The following TBXAS1 variants were observed in gnomAD, a reference collection of about 807,000 sequenced individuals.
The protein encoded by TBXAS1 is thromboxane-A synthase.
In TBXAS1, 48 loss-of-function variants were observed where a neutral mutation model predicts 60.7. The observed-to-expected ratio is 0.79, with a 90% confidence interval of 0.63 to 1.01. The LOEUF (loss-of-function observed/expected upper bound fraction) is 1.01. TBXAS1 is among the 50% of genes least tolerant of loss of function. TBXAS1 has a pLI of 0.00. For synonymous variants in TBXAS1, 287 were observed against 269.7 expected, an observed-to-expected ratio of 1.06 and a Z score of -0.63; for missense variants, 685 against 686.3, an observed-to-expected ratio of 1.00 and a Z score of 0.02.
intron 4 of TBXAS1, chr7:139,913,276 A>C (rs1805684059): frequency 1.6e-6 from 1 of 624,564 alleles, no homozygotes; most frequent in African/African-American, 1.8e-5. Context: ...TCTGTCAAGA[A>C]ACTGATTCTG....
At chr7:140,012,078 G>C (rs952436182) in intron 10 of TBXAS1, among the ~76,000 whole-genome samples, 4 of 152,218 alleles carry the variant, frequency 2.6e-5, no homozygotes, top group African/African-American at 9.6e-5. Context: ...GCAGGAGTGG[G>C]AGCCCGTGTA....
At chr7:139,878,155 G>C (rs1007172346) in intron 3 of TBXAS1, among the ~76,000 whole-genome samples, 1 of 151,044 alleles carries the variant, frequency 6.6e-6, no homozygotes, top group Non-Finnish European at 1.5e-5. Flanking sequence ...GAGAATGACA[G>C]AGAAAAAGAG....
At chr7:140,010,433 G>A (rs900322013) in intron 10 of TBXAS1, among the ~76,000 whole-genome samples, 4 of 152,162 alleles carry the variant, frequency 2.6e-5, no homozygotes, top group Non-Finnish European at 5.9e-5. Flanking sequence ...GATGCTGTGC[G>A]GTGCAGTTCT....
chr7:139,801,662 A>G (rs1288402252), intron 4 of TBXAS1, among the ~76,000 whole-genome samples: 1 of 152,020 alleles, frequency 6.6e-6, no homozygotes, highest in African/African-American at 2.4e-5. Flanking sequence ...TTTGCATTAC[A>G]GAATACAGTC....
At chr7:139,817,626 G>C (rs1422675790) in intron 4 of TBXAS1, among the ~76,000 whole-genome samples, 1 of 152,194 alleles carries the variant, frequency 6.6e-6, no homozygotes, top group Non-Finnish European at 1.5e-5. Context: ...GGGTGGGAAT[G>C]GGTACACTCC....
intron 4 of TBXAS1, among the ~76,000 whole-genome samples, chr7:139,812,086 A>G (rs1585541655): frequency 6.6e-6 from 1 of 152,332 alleles, no homozygotes; most frequent in East Asian, 1.9e-4. Flanking sequence ...GTGGTAGTTC[A>G]GTATCTTATG....
chr7:139,801,470 C>CTTT (rs56097281), intron 4 of TBXAS1, among the ~76,000 whole-genome samples: 13 of 150,192 alleles, frequency 8.7e-5, no homozygotes, highest in Non-Finnish European at 1.5e-4. Context: ...TCTCTTTGTC[C>CTTT]TTTTTTTTTC....
At chr7:139,844,601 G>A (rs1202329338) in intron 1 of TBXAS1, among the ~76,000 whole-genome samples, 2 of 152,136 alleles carry the variant, frequency 1.3e-5, no homozygotes, top group African/African-American at 4.8e-5. Context: ...TTTACATTAG[G>A]CTCTTTGAAA....
intron 4 of TBXAS1, among the ~76,000 whole-genome samples, chr7:139,819,128 C>A (rs1278477943): frequency 6.6e-6 from 1 of 152,236 alleles, no homozygotes; most frequent in African/African-American, 2.4e-5. Flanking sequence ...AACCTCTTTC[C>A]TTTTCCTCCT....
At chr7:139,779,553 T>A (rs1796909263) in intron 1 of TBXAS1, among the ~76,000 whole-genome samples, 1 of 152,196 alleles carries the variant, frequency 6.6e-6, no homozygotes, top group Non-Finnish European at 1.5e-5. Context: ...TATTGAAGCT[T>A]AGGAATAGGT....
chr7:139,787,878 A>T (rs552533678), intron 4 of TBXAS1, among the ~76,000 whole-genome samples: 4 of 152,200 alleles, frequency 2.6e-5, no homozygotes, highest in African/African-American at 9.7e-5. Flanking sequence ...AACACATAAG[A>T]CTACAAAAGA....
In TBXAS1 at chr7:140,003,757, G is replaced by A. The variant is rs1227163046; in HGVS notation, c.1135-3334G>A. The stretch of plus-strand genomic sequence containing the variant: ...TTGAGATATAGTTCCCTATTTTTGT[G>A]TACCGCACCTCTGTTTCTTGTTTGA... On this transcript the variant is annotated intron_variant, in intron 9 of 12. Transcript: ENST00000448866. 2.0e-5 allele frequency among the ~76,000 whole-genome samples: 3 copies of A among 152,060 alleles called. No individual in the cohort carries two copies. In the East Asian group the frequency reaches 5.8e-4, roughly 29 times the overall value.
At chr7:139,898,412 G>GTT (rs1804276616) in intron 3 of TBXAS1, among the ~76,000 whole-genome samples, 1 of 114,380 alleles carries the variant, frequency 8.7e-6, no homozygotes, top group African/African-American at 3.9e-5. Context: ...AACGTGCATG[G>GTT]CTTTTTTTTT....
intron 4 of TBXAS1, among the ~76,000 whole-genome samples, chr7:139,919,409 T>C (rs1055682096): frequency 3.9e-5 from 6 of 152,220 alleles, no homozygotes; most frequent in African/African-American, 1.4e-4. Flanking sequence ...ACACTATCTC[T>C]TGGAGTCCTT....
At chr7:139,986,881 C>A (rs986444701) in intron 9 of TBXAS1, among the ~76,000 whole-genome samples, 2 of 148,358 alleles carry the variant, frequency 1.3e-5, no homozygotes, top group East Asian at 4.2e-4. Context: ...TTTGCAATTG[C>A]GAATTTGTGT....
chr7:139,964,000 T>C lies in TBXAS1; in HGVS notation c.1134+1767T>C, dbSNP rs115125565. On this transcript the variant is annotated intron_variant, in intron 9 of 12. Transcript: ENST00000448866. ...TCCATACTTCCTTGCTTGTAACCAA[T>C]GGAGAAGAGAGGGTCTGTGGCCTAA... is the stretch of plus-strand genomic sequence containing the variant. Among the ~76,000 whole-genome samples, 759 of 152,238 alleles carry C rather than the reference T, an allele frequency of 5.0e-3. 6 individuals carry two copies. Among genetic ancestry groups the C allele is most frequent in the African/African-American group, 0.018 (727 of 41,540 alleles).
At chr7:139,890,186 G>A (rs1361497723) in intron 3 of TBXAS1, among the ~76,000 whole-genome samples, 1 of 147,798 alleles carries the variant, frequency 6.8e-6, no homozygotes, top group East Asian at 2.0e-4. Flanking sequence ...CAATCTCCAA[G>A]TGAGAAATTT....
intron 4 of TBXAS1, among the ~76,000 whole-genome samples, chr7:139,812,673 A>T (rs564251049): frequency 2.6e-5 from 4 of 152,258 alleles, no homozygotes; most frequent in Admixed American, 2.0e-4. Context: ...GTTTTTGGGG[A>T]AAGGTGGTGA....
intron 1 of TBXAS1, among the ~76,000 whole-genome samples, chr7:139,845,276 C>G (rs994723604): frequency 6.6e-6 from 1 of 152,112 alleles, no homozygotes; most frequent in South Asian, 2.1e-4. Context: ...GTGAGTGTTC[C>G]TGGCCTGGCT....
Sources: allele counts gnomAD v4.1 joint callset (sites outside exome capture counted in the v4.1 genomes callset), GRCh38; gene constraint gnomAD v4.1.1; transcripts MANE v1.5; gene names NCBI Gene and HGNC (gene_info 2026-07-23, HGNC 2026-07-21).